CHODL: variants seen among roughly 807,000 people sequenced by gnomAD.
CHODL encodes chondrolectin, also known as transmembrane protein MT75.
In CHODL, 29 loss-of-function variants were observed where a neutral mutation model predicts 34.5. That is an observed-to-expected ratio of 0.84 (90% CI 0.63 to 1.15). The LOEUF (loss-of-function observed/expected upper bound fraction) is 1.15. CHODL is among the 50% of genes most tolerant of loss of function. CHODL has a pLI of 0.00. For missense variants in CHODL, 332 were observed against 332.5 expected (o/e 1.00, Z 0.01); for synonymous variants, 125 against 116.1 (o/e 1.08, Z -0.49).
chr21:18,264,311 A>T (rs1263796146), intron 5 of CHODL, among the ~76,000 whole-genome samples: 1 of 152,234 alleles, frequency 6.6e-6, no homozygotes, highest in East Asian at 1.9e-4. Flanking sequence ...GCAGGAGATT[A>T]TCTTGAGGAA....
chr21:18,100,724 A>T (rs2065202733), intron 2 of CHODL, among the ~76,000 whole-genome samples: 1 of 152,174 alleles, frequency 6.6e-6, no homozygotes, highest in Non-Finnish European at 1.5e-5. Flanking sequence ...AAGTGGAAAC[A>T]ACTGAAAAGA....
intron 2 of CHODL, among the ~76,000 whole-genome samples, chr21:18,232,515 T>G (rs540405205): frequency 6.6e-6 from 1 of 152,160 alleles, no homozygotes; most frequent in South Asian, 2.1e-4. Context: ...CTAATCCCAT[T>G]CATGAGAGGG....
chr21:18,128,025 G>A lies in CHODL; in HGVS notation c.-45+100054G>A, dbSNP rs1409968846. Among the ~76,000 whole-genome samples the A allele has an allele frequency of 5.9e-5, 9 of 151,868 alleles. 2 individuals carry two copies. The highest frequency in any genetic ancestry group is 5.9e-4 in the Admixed American group (9 of 15,232). ...ACATTCAAGAATCTAAACAGGCAGG[G>A]CGTATTGGCTCATGCTTGTAATCCC... On this transcript the variant is annotated intron_variant, in intron 2 of 6. Coordinates refer to the CHODL transcript ENST00000400127.
intron 1 of CHODL, among the ~76,000 whole-genome samples, chr21:17,987,760 A>G (rs1568831981): frequency 6.6e-6 from 1 of 152,194 alleles, no homozygotes; most frequent in East Asian, 1.9e-4. Flanking sequence ...TATGAGGGGA[A>G]ACATACTATA....
chr21:18,002,929 C>T (rs1408293446), intron 1 of CHODL, among the ~76,000 whole-genome samples: 2 of 151,972 alleles, frequency 1.3e-5, no homozygotes, highest in East Asian at 1.9e-4. Context: ...CGAGACCATC[C>T]GGGCTAACAC....
chr21:18,054,909 A>G (rs917648431), intron 2 of CHODL, among the ~76,000 whole-genome samples: 1 of 152,002 alleles, frequency 6.6e-6, no homozygotes, highest in Non-Finnish European at 1.5e-5. Context: ...TTAGGCAACA[A>G]GCCTCTGTTT....
intron 2 of CHODL, among the ~76,000 whole-genome samples, chr21:18,158,481 C>T (rs780803640): frequency 2.0e-5 from 3 of 152,292 alleles, no homozygotes; most frequent in Non-Finnish European, 4.4e-5. Context: ...CTTCCATTTA[C>T]ATTTTCTATT....
chr21:18,055,312 C>A (rs1217630123), intron 2 of CHODL, among the ~76,000 whole-genome samples: 4 of 152,064 alleles, frequency 2.6e-5, no homozygotes, highest in Admixed American at 6.6e-5. Flanking sequence ...AACACCAGTT[C>A]TCTTCCTCAA....
At chr21:18,098,623 G>A (rs2065170551) in intron 2 of CHODL, among the ~76,000 whole-genome samples, 1 of 152,096 alleles carries the variant, frequency 6.6e-6, no homozygotes, top group Admixed American at 6.6e-5. Context: ...TATACTGTTG[G>A]TGGCAATGTA....
At chr21:18,142,519 C>T (rs2072815678) in intron 2 of CHODL, among the ~76,000 whole-genome samples, 1 of 152,100 alleles carries the variant, frequency 6.6e-6, no homozygotes, top group African/African-American at 2.4e-5. Flanking sequence ...TCACCTATTT[C>T]TGGGTGCAGT....
chr21:18,120,546 A>G (rs2065467229), intron 2 of CHODL, among the ~76,000 whole-genome samples: 1 of 152,140 alleles, frequency 6.6e-6, no homozygotes, highest in Admixed American at 6.5e-5. Flanking sequence ...AATAGGTCAC[A>G]CTGATTCACA....
intron 2 of CHODL, among the ~76,000 whole-genome samples, chr21:18,182,801 C>CA (rs544779727): frequency 5.9e-5 from 9 of 151,606 alleles, no homozygotes; most frequent in South Asian, 4.2e-4. Context: ...ATACAAGGTG[C>CA]AAAAAAAATC....
At chr21:18,159,440 A>C (rs956833782) in intron 2 of CHODL, among the ~76,000 whole-genome samples, 69 of 152,338 alleles carry the variant, frequency 4.5e-4, no homozygotes, top group African/African-American at 1.5e-3. Context: ...GCGGTATTAA[A>C]TATTGAAACC....
chr21:18,218,896 C>T (rs2073856592), intron 2 of CHODL, among the ~76,000 whole-genome samples: 2 of 152,166 alleles, frequency 1.3e-5, no homozygotes, highest in South Asian at 2.1e-4. Context: ...TTAGTATCAG[C>T]ATTTTGGTCA....
chr21:17,938,409 T>G (rs1201009587), intron 1 of CHODL, among the ~76,000 whole-genome samples: 18 of 150,876 alleles, frequency 1.2e-4, no homozygotes, highest in Non-Finnish European at 2.5e-4. Flanking sequence ...TATATATCTG[T>G]ATATAGTGCT....
chr21:18,048,505 A>G (rs1350973162), intron 2 of CHODL, among the ~76,000 whole-genome samples: 4 of 151,944 alleles, frequency 2.6e-5, no homozygotes, highest in African/African-American at 7.2e-5. Flanking sequence ...TTAGAAAATC[A>G]TTGCATTTAA....
rs564355584 is a variant in CHODL, at chr21:18,171,409, T to G, written c.-44-85100T>G. Among the ~76,000 whole-genome samples the G allele has an allele frequency of 3.6e-3, 539 of 150,688 alleles. 4 individuals are homozygous for G. Among genetic ancestry groups the G allele is most frequent in the African/African-American group, 0.012 (510 of 41,022 alleles). ...TTTTAGTAGAGACGGGGGTTTCACCTTGTTAGCCAGGATGGTCTCGATCTC... is the reference window on the plus strand; with the variant it reads ...TTTTAGTAGAGACGGGGGTTTCACCGTGTTAGCCAGGATGGTCTCGATCTC... On this transcript the variant is annotated intron_variant, in intron 2 of 6. Transcript: ENST00000400127.
At chr21:18,249,037 A>G (rs1366788557) in intron 1 of CHODL, among the ~76,000 whole-genome samples, 4 of 113,598 alleles carry the variant, frequency 3.5e-5, no homozygotes, top group African/African-American at 1.7e-4. Flanking sequence ...ATTAATATAT[A>G]TAATATTATA....
At chr21:17,958,791 C>T (rs930794282) in intron 1 of CHODL, among the ~76,000 whole-genome samples, 8 of 151,990 alleles carry the variant, frequency 5.3e-5, no homozygotes, top group South Asian at 2.1e-4. Context: ...AATAGAATTC[C>T]GTTCATTCTC....
Sources: gnomAD v4.1 joint callset for allele counts (sites outside exome capture counted in the v4.1 genomes callset) on GRCh38, gnomAD v4.1.1 for gene constraint, MANE v1.5 for transcripts, NCBI Gene and HGNC (gene_info 2026-07-23, HGNC 2026-07-21) for gene names.